The following NEXMIF variants were observed in gnomAD, a reference collection of about 807,000 sequenced individuals.
NEXMIF encodes neurite extension and migration factor.
Under a neutral mutation model 62.1 loss-of-function variants are expected in NEXMIF, and 8 were observed. The observed-to-expected ratio is 0.13, with a 90% confidence interval of 0.08 to 0.23. The LOEUF is 0.23. NEXMIF is among the 10% of genes least tolerant of loss of function. The pLI is 1.00. For missense variants in NEXMIF, 976 were observed against 1,113.3 expected (o/e 0.88, Z 1.75); for synonymous variants, 404 against 416.6 (o/e 0.97, Z 0.37).
rs1569345215 is a variant in NEXMIF, at chrX:74,796,220, T to TACATATATAATATATATATATAC, written c.-47-50524_-47-50523insGTATATATATATATTATATATGT. ...TATATACATATATATTATATATATA[T>TACATATATAATATATATATATAC]ACATATATAATATATATATATATAC... is the stretch of plus-strand genomic sequence containing the variant. On this transcript the variant is annotated intron_variant, in intron 1 of 3. Coordinates refer to ENST00000055682, the MANE Select transcript of NEXMIF (RefSeq NM_001008537.3). Among the ~76,000 whole-genome samples, 249 of 65,724 alleles carry TACATATATAATATATATATATAC rather than the reference T, an allele frequency of 3.8e-3. 1 individual carries two copies. Among genetic ancestry groups the TACATATATAATATATATATATAC allele is most frequent in the Non-Finnish European group, 5.9e-3 (226 of 38,048 alleles). 57.1% of individuals were successfully genotyped at this position (65,724 alleles called of 115,157 possible). A position where few individuals can be genotyped will look rare whatever the true frequency, so the allele number is the denominator to read the frequency against.
At chrX:74,793,577 A>C (rs1403443506) in intron 1 of NEXMIF, among the ~76,000 whole-genome samples, 7 of 111,141 alleles carry the variant, frequency 6.3e-5, no homozygotes, top group African/African-American at 2.3e-4. Context: ...GTGTTTTCCA[A>C]CTTGGTTCCA....
At chrX:74,887,430 C>G (rs1302360039) in intron 1 of NEXMIF, among the ~76,000 whole-genome samples, 1 of 111,400 alleles carries the variant, frequency 9.0e-6, no homozygotes, top group Non-Finnish European at 1.9e-5. Context: ...CCAGAATCTA[C>G]AATGAACTCA....
At chrX:74,778,401 TC>T (rs2080235030) in intron 1 of NEXMIF, among the ~76,000 whole-genome samples, 2 of 111,375 alleles carry the variant, frequency 1.8e-5, no homozygotes, top group Admixed American at 9.6e-5. Context: ...TCCATGGATC[TC>T]ATCTCCCTTT....
intron 1 of NEXMIF, among the ~76,000 whole-genome samples, chrX:74,813,494 T>TA (rs2080366867): frequency 8.9e-6 from 1 of 112,306 alleles, no homozygotes; most frequent in Admixed American, 9.4e-5. Context: ...ATGTGTTTTG[T>TA]AAACTCTGAC....
rs1028924529 is a variant in NEXMIF at position 74,736,562 on chromosome X, C to G, written c.*2843G>C. The stretch of plus-strand genomic sequence containing the variant: ...TAGGGCAAAACACTATTTTTATACT[C>G]TACTAAGGCAGCTGGTTATGACAGG... On this transcript the variant is annotated 3_prime_UTR_variant, in exon 4 of 4. Coordinates refer to ENST00000055682, the MANE Select transcript of NEXMIF (RefSeq NM_001008537.3). The G allele has an allele frequency of 5.4e-5, 6 of 111,484 alleles. No homozygotes were observed. The East Asian group carries it at 8.5e-4, about 16-fold the overall frequency. The allele number at this position is 111,484 out of a possible 1,213,427, so 9.2% of individuals were successfully genotyped here.
At chrX:74,876,783 A>T (rs2080636419) in intron 1 of NEXMIF, among the ~76,000 whole-genome samples, 1 of 101,630 alleles carries the variant, frequency 9.8e-6, no homozygotes, top group Admixed American at 1.1e-4. Flanking sequence ...GTTGGTTTAA[A>T]GTCTGTTTTA....
At chrX:74,862,802 A>G (rs1452068898) in intron 1 of NEXMIF, among the ~76,000 whole-genome samples, 2 of 111,818 alleles carry the variant, frequency 1.8e-5, no homozygotes, top group African/African-American at 6.5e-5. Context: ...GAACAAACAG[A>G]TAACATATCA....
At chrX:74,770,330 A>G (rs2080206236) in intron 1 of NEXMIF, among the ~76,000 whole-genome samples, 1 of 112,058 alleles carries the variant, frequency 8.9e-6, no homozygotes, top group South Asian at 3.7e-4. Flanking sequence ...CTTTATGTAT[A>G]TGGCATATTT....
intron 1 of NEXMIF, among the ~76,000 whole-genome samples, chrX:74,847,356 G>T (rs2080495474): frequency 8.9e-6 from 1 of 111,887 alleles, no homozygotes; most frequent in African/African-American, 3.2e-5. Context: ...CTCCCCAAAA[G>T]AAGACAAACT....
At position 74,741,483 on chromosome X, in the gene NEXMIF, T is replaced by C. The variant is rs768774376; in HGVS notation, c.3074A>G (p.Asp1025Gly). 1 of 1,211,463 alleles carries C rather than the reference T, an allele frequency of 8.3e-7. No individual in the cohort carries two copies. The highest frequency in any genetic ancestry group is 1.8e-5 in the South Asian group (1 of 56,960). Residue 1025 changes from aspartate (D) to glycine (G), a missense_variant, in exon 3 of 4, where the codon GAC becomes GGC. Physicochemically the swap from Asp to Gly is moderately conservative, Grantham distance 94 (BLOSUM62 -1). Coordinates refer to ENST00000055682, the MANE Select transcript of NEXMIF (RefSeq NM_001008537.3). ...CTTAGGGCTGCAATGGGCCAGGAAG[T>C]CATCAGTGATATCATCATCGCCATC... The part of the protein sequence containing the change: ...EKDGDDDITD[D>G]FLAHCSPKLV...
intron 1 of NEXMIF, among the ~76,000 whole-genome samples, chrX:74,876,028 T>A (rs746902350): frequency 3.6e-5 from 4 of 111,576 alleles, no homozygotes; most frequent in African/African-American, 1.3e-4. Context: ...ATTTCTTGCC[T>A]TCTGCTAGCT....
Position 74,741,501 on chromosome X carries a change from T to C in NEXMIF, c.3056A>G (p.Asp1019Gly). 8.3e-7 allele frequency: 1 copy of C among 1,211,573 alleles called. No homozygotes were observed. Among genetic ancestry groups the C allele is most frequent in the Non-Finnish European group, 1.1e-6 (1 of 895,335 alleles). Residue 1019 changes from aspartate to glycine, a missense_variant, in exon 3 of 4, where the codon GAT becomes GGT. Around this residue, in one of 5 missense-constraint regions of NEXMIF, gnomAD observed 639 missense variants for 694.5 expected, o/e 0.92. Coordinates refer to ENST00000055682, the MANE Select transcript of NEXMIF (RefSeq NM_001008537.3). ...CAGGAAGTCATCAGTGATATCATCA[T>C]CGCCATCCTTTTCACAGGACTTCAA... Reference protein sequence around the residue: ...LSLKSCEKDGDDDITDDFLAH... With the variant: ...LSLKSCEKDGGDDITDDFLAH...
At chrX:74,920,308 G>A (rs2080822268) in intron 1 of NEXMIF, among the ~76,000 whole-genome samples, 1 of 111,385 alleles carries the variant, frequency 9.0e-6, no homozygotes, top group African/African-American at 3.3e-5. Context: ...ACTTTTTAAT[G>A]ATTGCCATTC....
At chrX:74,887,656 G>A (rs1425297541) in intron 1 of NEXMIF, among the ~76,000 whole-genome samples, 10 of 110,820 alleles carry the variant, frequency 9.0e-5, no homozygotes, top group Admixed American at 3.8e-4. Flanking sequence ...AACAGGTGCT[G>A]GAGAGGATGT....
In NEXMIF at chrX:74,925,403, C is replaced by CGGT; in HGVS notation, c.-571_-569dup. 1 of 196,379 alleles carries CGGT rather than the reference C, an allele frequency of 5.1e-6. No homozygotes were observed. Among genetic ancestry groups the CGGT allele is most frequent in the Admixed American group, 5.2e-5 (1 of 19,337 alleles). The allele number at this position is 196,379 out of a possible 1,213,427, so 16.2% of individuals were successfully genotyped here. A position where few individuals can be genotyped will look rare whatever the true frequency, so the allele number is the denominator to read the frequency against. ...GCCGCTAATGCTACTGCTGTGGCGG[C>CGGT]GGTGGTGGCGGCGGCGGCTGCTGCT... On this transcript the variant is annotated 5_prime_UTR_variant, in exon 1 of 4. Transcript: ENST00000055682.
intron 1 of NEXMIF, among the ~76,000 whole-genome samples, chrX:74,798,907 GAA>G (rs1296857329): frequency 3.0e-5 from 3 of 99,251 alleles, no homozygotes; most frequent in Non-Finnish European, 6.1e-5. Context: ...AAGATGTAAA[GAA>G]AACAGGGAAA....
At chrX:74,783,511 C>G (rs2147460183) in intron 1 of NEXMIF, among the ~76,000 whole-genome samples, 1 of 111,770 alleles carries the variant, frequency 8.9e-6, no homozygotes, top group African/African-American at 3.3e-5. Context: ...CCACCTGGAG[C>G]AGAGGGCTCA....
intron 1 of NEXMIF, among the ~76,000 whole-genome samples, chrX:74,897,357 A>G (rs1031969534): frequency 8.9e-6 from 1 of 112,019 alleles, no homozygotes; most frequent in Non-Finnish European, 1.9e-5. Context: ...ATAGCTTTGA[A>G]AAATAGTAAG....
intron 1 of NEXMIF, among the ~76,000 whole-genome samples, chrX:74,824,275 C>A (rs1277534383): frequency 8.9e-6 from 1 of 111,762 alleles, no homozygotes. Context: ...ATCATCTCCC[C>A]ATTCCCCACA....
Sources: gnomAD v4.1 joint callset for allele counts (sites outside exome capture counted in the v4.1 genomes callset) on GRCh38, gnomAD v4.1.1 for gene constraint, gnomAD v4.1.1 regional missense constraint, MANE v1.5 for transcripts, NCBI Gene and HGNC (gene_info 2026-07-23, HGNC 2026-07-21) for gene names.